OXR1: variants seen among roughly 807,000 people sequenced by gnomAD.
OXR1 encodes the protein oxidation resistance 1.
Under a neutral mutation model 104.6 loss-of-function variants are expected in OXR1, and 41 were observed. The ratio of observed to expected loss-of-function variants is 0.39; its 90% confidence interval spans 0.31 to 0.51. The LOEUF is 0.51. Ranked by LOEUF, OXR1 falls within the 20% of genes least tolerant of loss-of-function variation. The pLI, the probability that OXR1 is intolerant of heterozygous loss-of-function variation, is 0.77. For synonymous variants in OXR1, 348 were observed against 348.4 expected (o/e 1.00, Z 0.01); for missense variants, 955 against 1,031.9 (o/e 0.93, Z 1.02).
chr8:106,343,882 AAGGCTT>A (rs899203294), intron 1 of OXR1, among the ~76,000 whole-genome samples: 6 of 152,358 alleles, frequency 3.9e-5, no homozygotes, highest in African/African-American at 1.4e-4. Flanking sequence ...TGATATACAG[AAGGCTT>A]AGGTAGTTTA....
intron 1 of OXR1, among the ~76,000 whole-genome samples, chr8:106,357,280 G>C (rs189737252): frequency 4.0e-4 from 60 of 151,710 alleles, no homozygotes; most frequent in African/African-American, 1.4e-3. Context: ...AATACAGCTT[G>C]GAAACTTTTG....
Position 106,581,128 on chromosome 8 carries a change from T to C in OXR1, c.220+61989T>C, listed in dbSNP as rs1289030215. On this transcript the variant is annotated intron_variant, in intron 3 of 16. Coordinates refer to ENST00000517566, the MANE Select transcript of OXR1 (RefSeq NM_001198533.2). ...TTCAAAGACAGTCTAGACTTAAAGA[T>C]TTAGAATTTTGGATGGAAATAATCC... is the stretch of plus-strand genomic sequence containing the variant. The C allele has an allele frequency of 2.9e-5, 36 of 1,261,424 alleles. No individual in the cohort carries two copies. In the East Asian group the frequency reaches 1.8e-3, roughly 63 times the overall value. 78.1% of individuals were successfully genotyped at this position (1,261,424 alleles called of 1,614,324 possible). A position where few individuals can be genotyped will look rare whatever the true frequency, so the allele number is the denominator to read the frequency against.
At chr8:106,363,214 T>A (rs904740160) in intron 2 of OXR1, among the ~76,000 whole-genome samples, 2 of 152,222 alleles carry the variant, frequency 1.3e-5, no homozygotes, top group Admixed American at 1.3e-4. Context: ...TTAAAAGTAA[T>A]GACTGCTCTT....
intron 2 of OXR1, among the ~76,000 whole-genome samples, chr8:106,426,028 C>T (rs1450941813): frequency 1.3e-5 from 2 of 152,082 alleles, no homozygotes; most frequent in Non-Finnish European, 2.9e-5. Context: ...AAGGGCTGGA[C>T]CACAAAAGGC....
intron 2 of OXR1, among the ~76,000 whole-genome samples, chr8:106,472,028 G>A (rs184296692): frequency 6.6e-6 from 1 of 151,842 alleles, no homozygotes; most frequent in Admixed American, 6.6e-5. Flanking sequence ...TGTCTTTTGT[G>A]TGGATTAGGA....
At chr8:106,586,383 C>T (rs1818632562) in intron 3 of OXR1, among the ~76,000 whole-genome samples, 1 of 152,072 alleles carries the variant, frequency 6.6e-6, no homozygotes, top group Non-Finnish European at 1.5e-5. Flanking sequence ...AAGTTTTGAC[C>T]TGAGAATATA....
At chr8:106,536,570 T>A (rs1355607367) in intron 3 of OXR1, among the ~76,000 whole-genome samples, 1 of 152,250 alleles carries the variant, frequency 6.6e-6, no homozygotes, top group Non-Finnish European at 1.5e-5. Context: ...AGCTAAGGGC[T>A]ACTAGGAAAT....
intron 2 of OXR1, among the ~76,000 whole-genome samples, chr8:106,412,990 A>G (rs11991344): frequency 0.029 from 4,436 of 152,228 alleles, 224 homozygotes; most frequent in African/African-American, 0.1. Context: ...TGAATACCAT[A>G]TGAATTTTAA....
intron 1 of OXR1, among the ~76,000 whole-genome samples, chr8:106,319,446 AATT>A (rs1814119618): frequency 6.6e-6 from 1 of 152,226 alleles, no homozygotes; most frequent in African/African-American, 2.4e-5. Flanking sequence ...TCTTTCAGAG[AATT>A]AAATTTTTTG....
chr8:106,632,291 T>G (rs572032813), intron 3 of OXR1, among the ~76,000 whole-genome samples: 86 of 152,338 alleles, frequency 5.6e-4, no homozygotes, highest in Non-Finnish European at 1.1e-3. Flanking sequence ...AGTGATTACA[T>G]AAAACATGTT....
intron 3 of OXR1, among the ~76,000 whole-genome samples, chr8:106,620,657 T>C (rs1554604795): frequency 6.6e-6 from 1 of 152,192 alleles, no homozygotes; most frequent in Non-Finnish European, 1.5e-5. Context: ...GAACAAGTTT[T>C]TAAAACTGAA....
At chr8:106,495,488 T>C (rs1338038069) in intron 2 of OXR1, among the ~76,000 whole-genome samples, 4 of 152,332 alleles carry the variant, frequency 2.6e-5, no homozygotes, top group African/African-American at 7.2e-5. Flanking sequence ...TGATCAATTA[T>C]CCAGTTCCCT....
At chr8:106,277,506 T>G (rs151099892) in intron 1 of OXR1, among the ~76,000 whole-genome samples, 2 of 152,290 alleles carry the variant, frequency 1.3e-5, no homozygotes, top group African/African-American at 4.8e-5. Context: ...TGTTTTACTC[T>G]CAAGAATCAT....
chr8:106,352,507 T>A (rs892448891), intron 1 of OXR1, among the ~76,000 whole-genome samples: 1 of 152,214 alleles, frequency 6.6e-6, no homozygotes, highest in African/African-American at 2.4e-5. Context: ...CGATATTATA[T>A]CATGTGTATA....
At chr8:106,502,932 C>CG in intron 2 of OXR1, among the ~76,000 whole-genome samples, 1 of 152,242 alleles carries the variant, frequency 6.6e-6, no homozygotes, top group East Asian at 1.9e-4. Context: ...AATATTAGAA[C>CG]TTCTGGCAAG....
chr8:106,493,364 A>G (rs1811220057), intron 2 of OXR1, among the ~76,000 whole-genome samples: 1 of 151,790 alleles, frequency 6.6e-6, no homozygotes, highest in Admixed American at 6.6e-5. Context: ...TTTATCTCTT[A>G]CCTTTTCCCT....
chr8:106,320,688 C>T (rs1409863363), intron 1 of OXR1, among the ~76,000 whole-genome samples: 2 of 149,570 alleles, frequency 1.3e-5, no homozygotes, highest in Non-Finnish European at 3.0e-5. Flanking sequence ...TTGGGGGGGG[C>T]GGGGACAGAG....
In OXR1 at chr8:106,510,260, T is replaced by C. The variant is rs563668219; in HGVS notation, c.24-8683T>C. The stretch of plus-strand genomic sequence containing the variant: ...GAAACCATTCATTCATTCAACAATT[T>C]ATTTCCTAAGTGCCTACTCTATGAC... On this transcript the variant is annotated intron_variant, in intron 2 of 16. Transcript: ENST00000517566. Among the ~76,000 whole-genome samples, 4 of 152,358 alleles carry C rather than the reference T, an allele frequency of 2.6e-5. No individual in the cohort carries two copies. The South Asian group carries it at 6.2e-4, about 24-fold the overall frequency.
At chr8:106,414,099 C>T (rs1048451706) in intron 2 of OXR1, among the ~76,000 whole-genome samples, 1 of 151,920 alleles carries the variant, frequency 6.6e-6, no homozygotes, top group Non-Finnish European at 1.5e-5. Flanking sequence ...TCTTTCTTAA[C>T]CAATAATATT....
Sources: allele counts gnomAD v4.1 joint callset (sites outside exome capture counted in the v4.1 genomes callset), GRCh38; gene constraint gnomAD v4.1.1; transcripts MANE v1.5; gene names NCBI Gene and HGNC (gene_info 2026-07-23, HGNC 2026-07-21).